RGS6: variants seen among roughly 807,000 people sequenced by gnomAD.
RGS6 encodes the protein regulator of G-protein signaling 6.
RGS6 carries 30 observed loss-of-function variants against 78.5 expected under a neutral mutation model. The ratio of observed to expected loss-of-function variants is 0.38; its 90% CI spans 0.29 to 0.52. RGS6 has a LOEUF of 0.52. Among genes scored for constraint, RGS6 ranks in the 20% least tolerant of loss-of-function variants. The probability of loss-of-function intolerance (pLI) is 0.85; values close to 1 mark genes in which losing one functional copy is unlikely to be tolerated. For synonymous variants in RGS6, 206 were observed against 206.0 expected (o/e 1.00, Z 0.00); for missense variants, 495 against 609.7 (o/e 0.81, Z 1.98).
intron 3 of RGS6, among the ~76,000 whole-genome samples, chr14:72,371,770 T>G (rs905279567): frequency 6.6e-6 from 1 of 152,100 alleles, no homozygotes; most frequent in Non-Finnish European, 1.5e-5. Context: ...TCAAAAGAAA[T>G]TAATTAAATA....
intron 2 of RGS6, among the ~76,000 whole-genome samples, chr14:72,180,887 G>A (rs550713474): frequency 1.3e-5 from 2 of 152,320 alleles, no homozygotes; most frequent in South Asian, 4.1e-4. Flanking sequence ...CCAGATGCCT[G>A]TGCCATGCTC....
chr14:72,245,515 G>A (rs2054003713), intron 2 of RGS6, among the ~76,000 whole-genome samples: 1 of 152,258 alleles, frequency 6.6e-6, no homozygotes, highest in South Asian at 2.1e-4. Flanking sequence ...TTAAGACACA[G>A]ATTGCTCATG....
chr14:72,265,224 G>A (rs577039880), intron 2 of RGS6, among the ~76,000 whole-genome samples: 1 of 152,150 alleles, frequency 6.6e-6, no homozygotes, highest in East Asian at 1.9e-4. Flanking sequence ...GGGGTGTGGT[G>A]GGCATGGTGA....
chr14:72,371,600 A>C (rs111713953), intron 3 of RGS6, among the ~76,000 whole-genome samples: 4 of 152,088 alleles, frequency 2.6e-5, no homozygotes, highest in African/African-American at 9.7e-5. Context: ...CGTCTCTACT[A>C]AAGATACAAA....
At chr14:72,445,673 T>A (rs1039651161) in intron 3 of RGS6, among the ~76,000 whole-genome samples, 4 of 152,216 alleles carry the variant, frequency 2.6e-5, no homozygotes, top group Admixed American at 6.5e-5. Flanking sequence ...TTATGATGTG[T>A]ATTTGAATAC....
chr14:72,195,169 C>T (rs1456992278), intron 2 of RGS6, among the ~76,000 whole-genome samples: 1 of 151,858 alleles, frequency 6.6e-6, no homozygotes, highest in Non-Finnish European at 1.5e-5. Context: ...GATCGCACCA[C>T]TGCACTCCGG....
intron 11 of RGS6, 84 bp downstream of exon 11, chr14:72,476,924 G>A: frequency 8.0e-7 from 1 of 1,252,342 alleles, no homozygotes; most frequent in Non-Finnish European, 1.1e-6. Context: ...TGAAGATTGA[G>A]CAAGCTTTGA....
intron 16 of RGS6, chr14:72,537,547 C>T (rs1433215918): frequency 2.8e-6 from 2 of 702,354 alleles, no homozygotes; most frequent in South Asian, 3.0e-5. Context: ...CAGTGTGGAG[C>T]CTGGCCTCCT....
At chr14:72,446,102 T>G (rs2095356617) in intron 3 of RGS6, among the ~76,000 whole-genome samples, 1 of 152,060 alleles carries the variant, frequency 6.6e-6, no homozygotes, top group Non-Finnish European at 1.5e-5. Flanking sequence ...CTACAAAAAA[T>G]TTAAAAATTA....
intron 13 of RGS6, among the ~76,000 whole-genome samples, chr14:72,502,256 T>C (rs4441203): frequency 0.014 from 2,066 of 152,218 alleles, 46 homozygotes; most frequent in African/African-American, 0.046. Flanking sequence ...GAGCTCCTGG[T>C]CAGCAACTAG....
chr14:71,916,605 G>T, the RGS6 span, among the ~76,000 whole-genome samples: 31 of 152,194 alleles, frequency 2.0e-4, no homozygotes, highest in African/African-American at 7.0e-4. Flanking sequence ...AATGCTTTAG[G>T]AATTCTCCAG....
rs544359084 is a variant in RGS6, at chr14:71,990,845, A to T, written c.84+25970A>T. 264 of 455,934 alleles carry T rather than the reference A, an allele frequency of 5.8e-4. 1 individual carries two copies. Among genetic ancestry groups the T allele is most frequent in the Non-Finnish European group, 1.1e-3 (250 of 226,804 alleles). 28.2% of individuals were successfully genotyped at this position (455,934 alleles called of 1,614,324 possible). A position where few individuals can be genotyped will look rare whatever the true frequency, so the allele number is the denominator to read the frequency against. On this transcript the variant is annotated intron_variant, in intron 2 of 17. Transcript: ENST00000553525. ...TTACCACAAACATAACAGGTAGAAC[A>T]TAGCTTATTTCTTGCCCTGCCAAAA... is the stretch of plus-strand genomic sequence containing the variant.
At chr14:72,226,714 A>C (rs191075423) in intron 2 of RGS6, among the ~76,000 whole-genome samples, 3 of 152,326 alleles carry the variant, frequency 2.0e-5, no homozygotes, top group South Asian at 4.1e-4. Context: ...TGATTGCTTG[A>C]TTGATTGAGA....
intron 17 of RGS6, chr14:72,547,228 A>G (rs1430620315): frequency 6.5e-7 from 1 of 1,535,494 alleles, no homozygotes; most frequent in Non-Finnish European, 8.7e-7. Flanking sequence ...AAGAGCATCC[A>G]ATGGCAGGAG....
At chr14:72,227,176 A>G (rs533889013) in intron 2 of RGS6, among the ~76,000 whole-genome samples, 2 of 152,344 alleles carry the variant, frequency 1.3e-5, no homozygotes, top group South Asian at 4.1e-4. Flanking sequence ...TCAAATGGAC[A>G]TAAAGAGTTA....
chr14:72,098,786 G>A (rs2095466647), intron 2 of RGS6, among the ~76,000 whole-genome samples: 1 of 152,146 alleles, frequency 6.6e-6, no homozygotes, highest in African/African-American at 2.4e-5. Flanking sequence ...GGTACTGCAT[G>A]TTCTCCTCTT....
At chr14:72,151,495 C>T (rs1055366463) in intron 2 of RGS6, among the ~76,000 whole-genome samples, 3 of 152,096 alleles carry the variant, frequency 2.0e-5, no homozygotes, top group Non-Finnish European at 4.4e-5. Context: ...TAATTGCCTT[C>T]GAGAGATGCA....
At chr14:72,312,573 AG>A (rs2068912817) in intron 2 of RGS6, among the ~76,000 whole-genome samples, 2 of 152,206 alleles carry the variant, frequency 1.3e-5, no homozygotes, top group Non-Finnish European at 2.9e-5. Context: ...TATTTGTCAA[AG>A]GGAGCTAATA....
At chr14:72,240,405 A>G (rs1176060073) in intron 2 of RGS6, among the ~76,000 whole-genome samples, 1 of 152,160 alleles carries the variant, frequency 6.6e-6, no homozygotes, top group Non-Finnish European at 1.5e-5. Flanking sequence ...AGTGAGTTTC[A>G]TTTGGATGGA....
Sources: allele counts gnomAD v4.1 joint callset (sites outside exome capture counted in the v4.1 genomes callset), GRCh38; gene constraint gnomAD v4.1.1; transcripts MANE v1.5; gene names NCBI Gene and HGNC (gene_info 2026-07-23, HGNC 2026-07-21).